The following ADAM28 variants were observed in gnomAD, a reference collection of about 807,000 sequenced individuals.
The protein encoded by ADAM28 is disintegrin and metalloproteinase domain-containing protein 28.
ADAM28 carries 105 observed loss-of-function variants against 101.2 expected under a neutral mutation model. That is an observed-to-expected ratio of 1.04 (90% CI 0.89 to 1.22). The LOEUF is 1.22. ADAM28 is among the 50% of genes most tolerant of loss of function. The pLI is 0.00. For missense variants in ADAM28, 1,028 were observed against 945.4 expected, an observed-to-expected ratio of 1.09 and a Z score of -1.15; for synonymous variants, 322 against 310.6, an observed-to-expected ratio of 1.04 and a Z score of -0.39.
At chr8:24,327,576 A>G (rs1226106824) in intron 10 of ADAM28, among the ~76,000 whole-genome samples, 1 of 152,046 alleles carries the variant, frequency 6.6e-6, no homozygotes, top group Non-Finnish European at 1.5e-5. Flanking sequence ...CCTGCATAGC[A>G]AAGACAATCC....
chr8:24,325,543 G>T (rs1812424197), intron 9 of ADAM28, among the ~76,000 whole-genome samples: 4 of 151,710 alleles, frequency 2.6e-5, no homozygotes, highest in Admixed American at 2.6e-4. Context: ...CAAAAATGTA[G>T]AATGAAGTAT....
At chr8:24,350,065 T>C in intron 19 of ADAM28, 93 bp downstream of exon 19, 3 of 1,109,934 alleles carry the variant, frequency 2.7e-6, no homozygotes, top group Non-Finnish European at 3.8e-6. Context: ...TCAAATTGAA[T>C]TGGTTTACTT....
At chr8:24,350,068 G>T in intron 19 of ADAM28, 96 bp downstream of exon 19, 1 of 1,078,386 alleles carries the variant, frequency 9.3e-7, no homozygotes, top group Non-Finnish European at 1.3e-6. Flanking sequence ...AATTGAATTG[G>T]TTTACTTCTA....
At chr8:24,313,971 G>C (rs1810822727) in intron 6 of ADAM28, among the ~76,000 whole-genome samples, 1 of 151,988 alleles carries the variant, frequency 6.6e-6, no homozygotes. Flanking sequence ...TGGTCAGGCT[G>C]GTCTCCAACT....
intron 2 of ADAM28, chr8:24,300,864 G>T (rs1319023376): frequency 1.3e-5 from 2 of 152,076 alleles, no homozygotes; most frequent in Admixed American, 6.5e-5. Flanking sequence ...ATGTATATAT[G>T]CACATTAACA....
rs1341877370 is a variant in ADAM28 at position 24,343,494 on chromosome 8, T to C, written c.1912-12T>C. Reference sequence around the variant, plus strand: ...CCTAGCGGGGACAGTAACAGGATCATTGCTCCCCTAGGTGTGTGACCATGA... The same window carrying C: ...CCTAGCGGGGACAGTAACAGGATCACTGCTCCCCTAGGTGTGTGACCATGA... On this transcript the variant is annotated splice_polypyrimidine_tract_variant and intron_variant, in intron 17 of 22. Transcript: ENST00000265769. The C allele has an allele frequency of 1.9e-6, 3 of 1,613,370 alleles. No individual in the cohort carries two copies. Among genetic ancestry groups the C allele is most frequent in the African/African-American group, 2.7e-5 (2 of 74,880 alleles).
intron 18 of ADAM28, among the ~76,000 whole-genome samples, chr8:24,348,806 A>T (rs1815726305): frequency 6.6e-6 from 1 of 152,056 alleles, no homozygotes; most frequent in South Asian, 2.1e-4. Context: ...TGTCTTTTCA[A>T]GTTTGGTGTG....
At chr8:24,332,864 A>C (rs751510100) in intron 13 of ADAM28, 115 bp downstream of exon 13, 3 of 523,238 alleles carry the variant, frequency 5.7e-6, no homozygotes. Context: ...ATAAAATGAT[A>C]TATTTACTAT....
chr8:24,353,632 C>T, intron 21 of ADAM28, 138 bp from the exon 22 acceptor site: 1 of 661,560 alleles, frequency 1.5e-6, no homozygotes, highest in Non-Finnish European at 2.7e-6. Context: ...GGAATTTGAA[C>T]TGGACCTTGA....
At chr8:24,316,061 C>CATTT (rs1008297441) in intron 6 of ADAM28, among the ~76,000 whole-genome samples, 6,775 of 122,426 alleles carry the variant, frequency 0.055, 311 homozygotes, top group African/African-American at 0.13. Context: ...TCATAAAGGC[C>CATTT]ATTTATTTAT....
chr8:24,330,862 GT>G (rs1193348388), intron 11 of ADAM28, among the ~76,000 whole-genome samples: 1 of 152,058 alleles, frequency 6.6e-6, no homozygotes, highest in Non-Finnish European at 1.5e-5. Flanking sequence ...GTACCTTTAG[GT>G]CTTTACATCT....
chr8:24,332,817 T>A, intron 13 of ADAM28, 68 bp downstream of exon 13: 1 of 853,708 alleles, frequency 1.2e-6, no homozygotes, highest in Non-Finnish European at 1.7e-6. Context: ...TCAGTGATTA[T>A]GTTAACTGAA....
At chr8:24,304,271 G>T (rs1809249070) in intron 2 of ADAM28, among the ~76,000 whole-genome samples, 1 of 149,838 alleles carries the variant, frequency 6.7e-6, no homozygotes, top group Non-Finnish European at 1.5e-5. Flanking sequence ...GGTGGATGAG[G>T]TTGATATAAT....
At chr8:24,319,245 T>C (rs895329012) in intron 6 of ADAM28, among the ~76,000 whole-genome samples, 3 of 152,002 alleles carry the variant, frequency 2.0e-5, no homozygotes, top group African/African-American at 4.8e-5. Context: ...ATACATCTGC[T>C]TGAGGGCCAG....
Position 24,330,063 on chromosome 8 carries a change from G to T in ADAM28, c.1051G>T (p.Asp351Tyr), listed in dbSNP as rs937561178. 15 of 1,613,534 alleles carry T rather than the reference G, an allele frequency of 9.3e-6. No individual in the cohort carries two copies. Among genetic ancestry groups the T allele is most frequent in the Non-Finnish European group, 1.2e-5 (14 of 1,179,798 alleles). ...MGHNFGMFHD[D>Y]YSCKCPSTIC... ...CCACAACTTTGGAATGTTTCATGAC[G>T]ACTATTCTTGCAAGTGTCCTTCTAC... Residue 351 changes from aspartate (D) to tyrosine (Y), a missense_variant, in exon 11 of 23, where the codon GAC becomes TAC. Physicochemically the swap from Asp to Tyr is radical, Grantham distance 160. Transcript: ENST00000265769.
In ADAM28 at chr8:24,324,093, G is replaced by A. The variant is rs976146458; in HGVS notation, c.890+90G>A. 5.6e-6 allele frequency: 7 copies of A among 1,257,376 alleles called. No individual in the cohort carries two copies. The African/African-American group carries it at 6.0e-5, about 11-fold the overall frequency. The allele number at this position is 1,257,376 out of a possible 1,614,324, so 77.9% of individuals were successfully genotyped here. A position where few individuals can be genotyped will look rare whatever the true frequency, so the allele number is the denominator to read the frequency against. On this transcript the variant is annotated intron_variant, in intron 9 of 22. Coordinates refer to ENST00000265769, the MANE Select transcript of ADAM28 (RefSeq NM_014265.6). ...GCAAAGTGAGGGGTGCACATAGAGGGGTAGACATTTATAGAGCACTTACTT... is the reference window on the plus strand; with the variant it reads ...GCAAAGTGAGGGGTGCACATAGAGGAGTAGACATTTATAGAGCACTTACTT...
At chr8:24,325,901 CCAAAAAA>C (rs1812549142) in intron 9 of ADAM28, among the ~76,000 whole-genome samples, 1 of 55,524 alleles carries the variant, frequency 1.8e-5, no homozygotes, top group Non-Finnish European at 3.8e-5. Context: ...AAAAAAAAAA[CCAAAAAA>C]CAAAAACTAA....
chr8:24,310,140 C>T lies in ADAM28; in HGVS notation c.228-23C>T, dbSNP rs779110493. 5 of 1,610,350 alleles carry T rather than the reference C, an allele frequency of 3.1e-6. No homozygotes were observed. The South Asian group carries it at 4.4e-5, about 14-fold the overall frequency. ...TAGCAATCAGCACAAGTAACCACAA[C>T]ATTTTTGTGTTTCTTTCTCCAGGAA... On this transcript the variant is annotated intron_variant, in intron 3 of 22. Transcript: ENST00000265769.
At chr8:24,332,169 C>A (rs1022865758) in intron 12 of ADAM28, among the ~76,000 whole-genome samples, 5 of 152,026 alleles carry the variant, frequency 3.3e-5, no homozygotes, top group African/African-American at 1.2e-4. Flanking sequence ...CTTTTGCAGG[C>A]AGGATTCTGA....
Sources: gnomAD v4.1 joint callset for allele counts (sites outside exome capture counted in the v4.1 genomes callset) on GRCh38, gnomAD v4.1.1 for gene constraint, MANE v1.5 for transcripts, NCBI Gene and HGNC (gene_info 2026-07-23, HGNC 2026-07-21) for gene names.